Variants in ZNF385D observed in about 807,000 individuals in gnomAD.
ZNF385D encodes zinc finger protein 385D.
A neutral mutation model predicts 35.8 loss-of-function variants in ZNF385D; 15 were observed. The observed-to-expected ratio is 0.42, with a 90% confidence interval of 0.28 to 0.64. The LOEUF (loss-of-function observed/expected upper bound fraction) is 0.64. ZNF385D is among the 30% of genes least tolerant of loss of function. The probability of loss-of-function intolerance (pLI) is 0.23; values close to 1 mark genes in which losing one functional copy is unlikely to be tolerated. For missense variants in ZNF385D, 474 were observed against 494.6 expected, an observed-to-expected ratio of 0.96 and a Z score of 0.39; for synonymous variants, 212 against 186.8, an observed-to-expected ratio of 1.13 and a Z score of -1.10.
At chr3:21,706,231 T>A (rs1161078664) in intron 1 of ZNF385D, among the ~76,000 whole-genome samples, 1 of 151,970 alleles carries the variant, frequency 6.6e-6, no homozygotes, top group Non-Finnish European at 1.5e-5. Context: ...AAAACAAAAC[T>A]CTTGTTGAGA....
chr3:21,748,913 C>T (rs192552498), intron 1 of ZNF385D, among the ~76,000 whole-genome samples: 242 of 152,232 alleles, frequency 1.6e-3, no homozygotes, highest in African/African-American at 5.6e-3. Flanking sequence ...TGCCCTCGCT[C>T]TTGTACCACA....
intron 2 of ZNF385D, among the ~76,000 whole-genome samples, chr3:22,343,309 C>T (rs1695506721): frequency 6.6e-6 from 1 of 152,210 alleles, no homozygotes; most frequent in African/African-American, 2.4e-5. Context: ...ATCTACGTTT[C>T]CATTTCAGGG....
In ZNF385D at chr3:21,542,074, A is replaced by G. The variant is rs139897677; in HGVS notation, c.276+22500T>C. Among the ~76,000 whole-genome samples the G allele has an allele frequency of 9.8e-4, 149 of 152,288 alleles. 2 individuals are homozygous for G. The East Asian group carries it at 0.027, about 28-fold the overall frequency. On this transcript the variant is annotated intron_variant, in intron 3 of 7. Coordinates refer to ENST00000281523, the MANE Select transcript of ZNF385D (RefSeq NM_024697.3). The stretch of plus-strand genomic sequence containing the variant: ...ATAGTAATTTTTTTTCAAATAAACT[A>G]AAACTCGGAGGCTTCTACAAAACAA...
intron 1 of ZNF385D, among the ~76,000 whole-genome samples, chr3:21,710,111 C>T (rs550499105): frequency 5.7e-4 from 87 of 152,196 alleles, no homozygotes; most frequent in Admixed American, 9.2e-4. Flanking sequence ...AAACAGATAT[C>T]AGACAAGCGC....
chr3:22,067,378 T>C (rs555588637), intron 3 of ZNF385D, among the ~76,000 whole-genome samples: 20 of 152,348 alleles, frequency 1.3e-4, no homozygotes, highest in Non-Finnish European at 2.4e-4. Flanking sequence ...AATATCATTT[T>C]ATAGGTCACA....
chr3:22,088,434 G>A (rs1192808528), intron 3 of ZNF385D, among the ~76,000 whole-genome samples: 1 of 152,122 alleles, frequency 6.6e-6, no homozygotes, highest in Non-Finnish European at 1.5e-5. Flanking sequence ...TTGAGATCTG[G>A]CTTCAGTCTG....
intron 2 of ZNF385D, among the ~76,000 whole-genome samples, chr3:22,195,686 C>G (rs1328396066): frequency 6.6e-6 from 1 of 151,990 alleles, no homozygotes; most frequent in African/African-American, 2.4e-5. Context: ...GTATTGATCT[C>G]TAACCAGCAT....
chr3:21,807,832 G>C (rs919217636), intron 3 of ZNF385D, among the ~76,000 whole-genome samples: 7 of 152,126 alleles, frequency 4.6e-5, no homozygotes, highest in African/African-American at 9.7e-5. Context: ...ATTTGAAAAA[G>C]TCTCTGAGAT....
chr3:21,989,439 A>C (rs1031793626), intron 3 of ZNF385D, among the ~76,000 whole-genome samples: 2 of 152,190 alleles, frequency 1.3e-5, no homozygotes, highest in African/African-American at 4.8e-5. Context: ...CAACAGTCGG[A>C]AACTAATTAT....
intron 3 of ZNF385D, among the ~76,000 whole-genome samples, chr3:21,855,269 A>C (rs3849558): frequency 4.0e-5 from 6 of 151,796 alleles, no homozygotes; most frequent in African/African-American, 1.5e-4. Context: ...TTAGCTGATA[A>C]AAAAAATTTT....
At chr3:22,068,878 T>G (rs1700095625) in intron 3 of ZNF385D, among the ~76,000 whole-genome samples, 1 of 152,208 alleles carries the variant, frequency 6.6e-6, no homozygotes, top group Admixed American at 6.5e-5. Flanking sequence ...CAGATCACAG[T>G]GACACTTAAA....
chr3:21,467,826 G>T (rs1036045071), intron 4 of ZNF385D, among the ~76,000 whole-genome samples: 1 of 152,076 alleles, frequency 6.6e-6, no homozygotes, highest in Non-Finnish European at 1.5e-5. Context: ...ATGTGAACAA[G>T]GTAATACTTC....
intron 3 of ZNF385D, among the ~76,000 whole-genome samples, chr3:21,759,318 T>C (rs1021006991): frequency 4.6e-5 from 7 of 151,244 alleles, no homozygotes; most frequent in African/African-American, 1.7e-4. Context: ...AAGAATGGGA[T>C]TGTGAATGAT....
At chr3:22,209,908 C>A (rs540791015) in intron 2 of ZNF385D, among the ~76,000 whole-genome samples, 4 of 151,698 alleles carry the variant, frequency 2.6e-5, no homozygotes, top group African/African-American at 7.2e-5. Context: ...TCTGGAAGAC[C>A]GATTGTTTAC....
chr3:22,372,119 GC>G (rs140211621), intron 2 of ZNF385D, among the ~76,000 whole-genome samples: 1 of 151,608 alleles, frequency 6.6e-6, no homozygotes, highest in Non-Finnish European at 1.5e-5. Context: ...GGCTGACCTC[GC>G]CCCCCCGCCT....
chr3:22,097,057 C>CT (rs1199615398), intron 3 of ZNF385D, among the ~76,000 whole-genome samples: 1 of 152,056 alleles, frequency 6.6e-6, no homozygotes, highest in African/African-American at 2.4e-5. Flanking sequence ...GAGAAAGTGA[C>CT]TGCATTATCT....
rs1316655183 is a variant in ZNF385D, at chr3:21,418,353, T to C, written c.*2861A>G. ...AGTTTTATGGCAGCCTGAACTATAA[T>C]GGATGTTAATCTGGTATTGGTAAAT... On this transcript the variant is annotated 3_prime_UTR_variant, in exon 8 of 8. Coordinates refer to ENST00000281523, the MANE Select transcript of ZNF385D (RefSeq NM_024697.3). 6.6e-6 allele frequency: 1 copy of C among 152,152 alleles called. No individual in the cohort carries two copies. Among genetic ancestry groups the C allele is most frequent in the Non-Finnish European group, 1.5e-5 (1 of 68,012 alleles). 9.4% of individuals were successfully genotyped at this position (152,152 alleles called of 1,614,324 possible).
At chr3:21,970,611 G>T (rs676611) in intron 3 of ZNF385D, among the ~76,000 whole-genome samples, 104,170 of 151,460 alleles carry the variant, frequency 0.69, 36,867 homozygotes, top group African/African-American at 0.84. Context: ...AAAGAGTAGA[G>T]AGAGAGAGAG....
intron 3 of ZNF385D, among the ~76,000 whole-genome samples, chr3:21,771,319 A>G (rs941504166): frequency 6.6e-6 from 1 of 151,938 alleles, no homozygotes; most frequent in Non-Finnish European, 1.5e-5. Context: ...AAAACAATCA[A>G]CAAAACAAAA....
Sources: allele counts gnomAD v4.1 joint callset (sites outside exome capture counted in the v4.1 genomes callset), GRCh38; gene constraint gnomAD v4.1.1; transcripts MANE v1.5; gene names NCBI Gene and HGNC (gene_info 2026-07-23, HGNC 2026-07-21).